The following CPSF6 variants were observed in gnomAD, a reference collection of about 807,000 sequenced individuals.
The protein encoded by CPSF6 is cleavage and polyadenylation specific factor 6, also known as cleavage and polyadenylation specificity factor subunit 6.
A neutral mutation model predicts 56.7 loss-of-function variants in CPSF6; 10 were observed. That is an observed-to-expected ratio of 0.18 (90% confidence interval 0.11 to 0.30). The LOEUF is 0.30. CPSF6 is among the 10% of genes least tolerant of loss of function. CPSF6 has a pLI of 1.00. For missense variants in CPSF6, 419 were observed against 722.9 expected (o/e 0.58, Z 4.82); for synonymous variants, 248 against 244.8 (o/e 1.01, Z -0.12).
chr12:69,239,625 C>T lies in CPSF6; in HGVS notation c.-22C>T, dbSNP rs1298894756. ...GACCTGCAGGAGGCGGCGGCGGCGG[C>T]GGCGGCCGAGGCTGAAGGAAGATGG... On this transcript the variant is annotated 5_prime_UTR_variant, in exon 1 of 10. Coordinates refer to ENST00000435070, the MANE Select transcript of CPSF6 (RefSeq NM_007007.3). 26 of 1,557,716 alleles carry T rather than the reference C, an allele frequency of 1.7e-5. No individual in the cohort carries two copies. Among genetic ancestry groups the T allele is most frequent in the East Asian group, 2.6e-5 (1 of 38,612 alleles).
intron 8 of CPSF6, 98 bp downstream of exon 8, chr12:69,260,295 A>G: frequency 1.1e-6 from 1 of 937,168 alleles, no homozygotes; most frequent in Non-Finnish European, 1.5e-6. Context: ...GCTTTTACTT[A>G]CTGATTATTT....
At chr12:69,249,600 C>T (rs1872127129) in intron 1 of CPSF6, among the ~76,000 whole-genome samples, 1 of 152,138 alleles carries the variant, frequency 6.6e-6, no homozygotes, top group African/African-American at 2.4e-5. Flanking sequence ...TGTTCTATGT[C>T]ATAAGAATAA....
chr12:69,247,765 C>T (rs1484044894), intron 1 of CPSF6, among the ~76,000 whole-genome samples: 7 of 151,736 alleles, frequency 4.6e-5, no homozygotes, highest in South Asian at 2.1e-4. Flanking sequence ...TTTTTTTTTA[C>T]GCTGGAGGAT....
chr12:69,271,584 G>C lies in CPSF6; in HGVS notation c.*2076G>C, dbSNP rs972879671. The C allele has an allele frequency of 6.6e-6, 1 of 151,414 alleles. No homozygotes were observed. Among genetic ancestry groups the C allele is most frequent in the Non-Finnish European group, 1.5e-5 (1 of 67,624 alleles). The allele number at this position is 151,414 out of a possible 1,614,324, so 9.4% of individuals were successfully genotyped here. On this transcript the variant is annotated 3_prime_UTR_variant, in exon 10 of 10. Transcript: ENST00000435070. Reference sequence around the variant, plus strand: ...CTCCTTCTATATCACTCTTCTCCTTGCTTGGCTGATCTCATTACATGACTT... The same window carrying C: ...CTCCTTCTATATCACTCTTCTCCTTCCTTGGCTGATCTCATTACATGACTT...
At position 69,257,013 on chromosome 12, in the gene CPSF6, G is replaced by A. The variant is rs572207126; in HGVS notation, c.520+171G>A. Among the ~76,000 whole-genome samples the A allele has an allele frequency of 2.3e-4, 35 of 152,272 alleles. No homozygotes were observed. In the South Asian group the frequency reaches 2.9e-3, roughly 13 times the overall value. ...TGGTTATGACTGTGGGCCTGTGTAC[G>A]AGAAACCTACTCCTGTTCCATTTTT... On this transcript the variant is annotated intron_variant, in intron 4 of 9. Coordinates refer to ENST00000435070, the MANE Select transcript of CPSF6 (RefSeq NM_007007.3).
At chr12:69,246,681 G>T (rs1351110811) in intron 1 of CPSF6, among the ~76,000 whole-genome samples, 1 of 152,060 alleles carries the variant, frequency 6.6e-6, no homozygotes, top group African/African-American at 2.4e-5. Flanking sequence ...CTTTTCCGAG[G>T]TATAGGATAT....
chr12:69,247,917 C>T (rs1044035908), intron 1 of CPSF6, among the ~76,000 whole-genome samples: 1 of 152,136 alleles, frequency 6.6e-6, no homozygotes, highest in African/African-American at 2.4e-5. Flanking sequence ...ACCATTGGGG[C>T]TAAGTGTACA....
At chr12:69,262,219 A>T (rs981267890) in intron 8 of CPSF6, 154 bp from the exon 9 acceptor site, 4 of 470,922 alleles carry the variant, frequency 8.5e-6, no homozygotes, top group African/African-American at 2.1e-5. Flanking sequence ...TTACCTGGTG[A>T]GTTGGTAAGT....
intron 1 of CPSF6, among the ~76,000 whole-genome samples, chr12:69,240,370 A>G (rs1422401678): frequency 6.6e-6 from 1 of 152,074 alleles, no homozygotes; most frequent in Non-Finnish European, 1.5e-5. Flanking sequence ...GCTCATTTGC[A>G]ACAAGTCCTT....
At chr12:69,268,159 TAATAAA>T (rs893236372) in intron 9 of CPSF6, among the ~76,000 whole-genome samples, 2 of 151,826 alleles carry the variant, frequency 1.3e-5, no homozygotes, top group African/African-American at 4.8e-5. Context: ...GTAGTGCAGA[TAATAAA>T]AATAAAACAT....
At chr12:69,250,590 C>CAAAAAAAAAAAAAA (rs61337613) in intron 1 of CPSF6, among the ~76,000 whole-genome samples, 3 of 48,788 alleles carry the variant, frequency 6.1e-5, no homozygotes, top group African/African-American at 1.1e-4. Context: ...CTGGTCTCTA[C>CAAAAAAAAAAAAAA]AAAAAAAAAA....
chr12:69,262,964 A>G (rs571211963), intron 9 of CPSF6, among the ~76,000 whole-genome samples: 65 of 152,276 alleles, frequency 4.3e-4, no homozygotes, highest in African/African-American at 1.5e-3. Context: ...TTAAAAATAA[A>G]TGGAAAGTTA....
At chr12:69,264,889 A>G (rs1480437690) in intron 9 of CPSF6, among the ~76,000 whole-genome samples, 1 of 152,150 alleles carries the variant, frequency 6.6e-6, no homozygotes, top group South Asian at 2.1e-4. Context: ...TTGAGCTTTC[A>G]TGTAAATCTT....
In CPSF6 at chr12:69,258,121, G is replaced by T; in HGVS notation, c.694+216G>T. On this transcript the variant is annotated intron_variant, in intron 5 of 9. Coordinates refer to ENST00000435070, the MANE Select transcript of CPSF6 (RefSeq NM_007007.3). This position sits in a 1 kb window ranked among gnomAD's most constrained non-coding sequence, Gnocchi z 4.2. Reference sequence around the variant, plus strand: ...ATGGCATATGGGGCACAGCATAGAGGAAATACCCATTTTTGGCCTAAAAGG... The same window carrying T: ...ATGGCATATGGGGCACAGCATAGAGTAAATACCCATTTTTGGCCTAAAAGG... 6.5e-7 allele frequency: 1 copy of T among 1,535,132 alleles called. No individual in the cohort carries two copies. The highest frequency in any genetic ancestry group is 1.2e-5 in the South Asian group (1 of 83,996).
At chr12:69,246,503 T>G (rs943078668) in intron 1 of CPSF6, among the ~76,000 whole-genome samples, 30 of 152,216 alleles carry the variant, frequency 2.0e-4, no homozygotes, top group African/African-American at 7.2e-4. Context: ...TGGCATATTT[T>G]TAGTACCAAA....
chr12:69,241,203 C>T (rs988496260), intron 1 of CPSF6, among the ~76,000 whole-genome samples: 4 of 152,180 alleles, frequency 2.6e-5, no homozygotes, highest in Non-Finnish European at 5.9e-5. Flanking sequence ...AAATGTAATA[C>T]ATTGTAATCA....
chr12:69,261,442 A>G (rs1004698534), intron 8 of CPSF6, among the ~76,000 whole-genome samples: 5 of 152,034 alleles, frequency 3.3e-5, no homozygotes, highest in African/African-American at 7.2e-5. Context: ...GTGCATGCCT[A>G]TAGTCCCAGC....
At position 69,258,442 on chromosome 12, in the gene CPSF6, G is replaced by C. The variant is rs1322384598; in HGVS notation, c.695-148G>C. On this transcript the variant is annotated intron_variant, in intron 5 of 9. Transcript: ENST00000435070. The surrounding 1 kb of genome is among the most constrained non-coding windows in gnomAD (Gnocchi z 4.2). ...GTAAGGATATACTTCATTGTAGTTG[G>C]TAGTGTAACATTTACCATACGGGTT... 7 of 782,222 alleles carry C rather than the reference G, an allele frequency of 8.9e-6. No individual in the cohort carries two copies. Among genetic ancestry groups the C allele is most frequent in the Non-Finnish European group, 1.2e-5 (6 of 511,284 alleles). 48.5% of individuals were successfully genotyped at this position (782,222 alleles called of 1,614,324 possible).
intron 9 of CPSF6, among the ~76,000 whole-genome samples, chr12:69,264,412 AC>A (rs1340739179): frequency 2.1e-4 from 32 of 152,142 alleles, no homozygotes; most frequent in Admixed American, 3.3e-4. Flanking sequence ...AGCATAGTCA[AC>A]CAAGTAAACA....
Sources: gnomAD v4.1 joint callset for allele counts (sites outside exome capture counted in the v4.1 genomes callset) on GRCh38, gnomAD v4.1.1 for gene constraint, Gnocchi (gnomAD v3.1) non-coding constraint, MANE v1.5 for transcripts, NCBI Gene and HGNC (gene_info 2026-07-23, HGNC 2026-07-21) for gene names.